DLGAP2: variants seen among roughly 807,000 people sequenced by gnomAD.
DLGAP2 encodes disks large-associated protein 2.
Under a neutral mutation model 100.3 loss-of-function variants are expected in DLGAP2, and 26 were observed. That is an observed-to-expected ratio of 0.26 (90% confidence interval 0.19 to 0.36). The LOEUF is 0.36. Among genes scored for constraint, DLGAP2 ranks in the 10% least tolerant of loss-of-function variants. DLGAP2 has a pLI of 1.00. For synonymous variants in DLGAP2, 886 were observed against 630.1 expected (o/e 1.41, Z -6.08); for missense variants, 1,858 against 1,453.2 (o/e 1.28, Z -4.53).
intron 3 of DLGAP2, among the ~76,000 whole-genome samples, chr8:1,325,346 T>A (rs746144755): frequency 2.0e-5 from 3 of 152,226 alleles, no homozygotes; most frequent in Non-Finnish European, 4.4e-5. Context: ...TGCCTGTGTG[T>A]CCAGCCATCT....
chr8:1,183,544 TGA>T (rs1425638316), intron 2 of DLGAP2, among the ~76,000 whole-genome samples: 4 of 152,216 alleles, frequency 2.6e-5, no homozygotes, highest in Non-Finnish European at 5.9e-5. Context: ...CAGCAGCCTA[TGA>T]GGTAGCTGCT....
At chr8:1,005,546 C>G (rs1324348239) in intron 2 of DLGAP2, among the ~76,000 whole-genome samples, 1 of 151,438 alleles carries the variant, frequency 6.6e-6, no homozygotes, top group Non-Finnish European at 1.5e-5. Context: ...ATAGCTGGGA[C>G]TACAGGTGTG....
chr8:1,374,780 C>T (rs1585312662), intron 3 of DLGAP2, among the ~76,000 whole-genome samples: 1 of 152,200 alleles, frequency 6.6e-6, no homozygotes, highest in African/African-American at 2.4e-5. Flanking sequence ...CACCGAGGCA[C>T]CTAACGTCAA....
intron 3 of DLGAP2, among the ~76,000 whole-genome samples, chr8:1,488,483 G>A (rs1245411509): frequency 2.0e-5 from 3 of 152,164 alleles, no homozygotes; most frequent in Admixed American, 6.5e-5. Context: ...CAGTCGGAAC[G>A]GTGCCTGGCC....
intron 3 of DLGAP2, among the ~76,000 whole-genome samples, chr8:1,474,584 A>T (rs1798883066): frequency 6.6e-6 from 1 of 152,174 alleles, no homozygotes; most frequent in African/African-American, 2.4e-5. Flanking sequence ...GCACCTCTCA[A>T]AAGAAAGAAG....
intron 3 of DLGAP2, among the ~76,000 whole-genome samples, chr8:1,377,674 G>T (rs1409837431): frequency 6.6e-6 from 1 of 152,234 alleles, no homozygotes; most frequent in Non-Finnish European, 1.5e-5. Flanking sequence ...GGAGGGCCTT[G>T]CCAGCGTGGG....
In DLGAP2 at chr8:1,206,330, A is replaced by G. The variant is rs1238415465; in HGVS notation, c.74-52521A>G. 5.4e-5 allele frequency among the ~76,000 whole-genome samples: 8 copies of G among 148,104 alleles called. 1 individual carries two copies. The highest frequency in any genetic ancestry group is 1.5e-4 in the African/African-American group (6 of 39,108). On this transcript the variant is annotated intron_variant, in intron 2 of 14. Transcript: ENST00000637795. ...TCCAGGCATCCGTGGACTGGGGTAG[A>G]CTGTGAATGGTTAATCTCCAGCCAT...
intron 1 of DLGAP2, among the ~76,000 whole-genome samples, chr8:763,602 G>T (rs1821140950): frequency 6.6e-6 from 1 of 152,168 alleles, no homozygotes. Context: ...ATGATGAGTG[G>T]CAGACGTTAG....
intron 3 of DLGAP2, among the ~76,000 whole-genome samples, chr8:1,494,772 G>T (rs1173339079): frequency 1.3e-5 from 2 of 151,918 alleles, no homozygotes; most frequent in Admixed American, 6.6e-5. Context: ...GCCACTCAAT[G>T]CAGCCTCCCC....
intron 8 of DLGAP2, 98 bp downstream of exon 8, chr8:1,633,144 T>G: frequency 8.8e-7 from 1 of 1,136,468 alleles, no homozygotes; most frequent in African/African-American, 1.5e-5. Context: ...CACAGTACAA[T>G]GTACTCTCCT....
chr8:1,351,833 A>G lies in DLGAP2; in HGVS notation c.106+92950A>G, dbSNP rs1040374143. ...GTCCTGCGTGTGGCGTGGAAAGGCCATGCGGGTCCTGAGTGTGCGTGGAAA... is the reference window on the plus strand; with the variant it reads ...GTCCTGCGTGTGGCGTGGAAAGGCCGTGCGGGTCCTGAGTGTGCGTGGAAA... On this transcript the variant is annotated intron_variant, in intron 3 of 14. Coordinates refer to ENST00000637795, the MANE Select transcript of DLGAP2 (RefSeq NM_001346810.2). Among the ~76,000 whole-genome samples the G allele has an allele frequency of 9.5e-3, 301 of 31,842 alleles. 7 individuals carry two copies. Among genetic ancestry groups the G allele is most frequent in the Middle Eastern group, 0.025 (1 of 40 alleles). The allele number at this position is 31,842 out of a possible 152,430, so 20.9% of individuals were successfully genotyped here. A position where few individuals can be genotyped will look rare whatever the true frequency, so the allele number is the denominator to read the frequency against.
intron 4 of DLGAP2, among the ~76,000 whole-genome samples, chr8:1,546,415 C>T (rs1195069437): frequency 6.6e-6 from 1 of 152,210 alleles, no homozygotes; most frequent in Non-Finnish European, 1.5e-5. Context: ...GTGTGAGAAG[C>T]CGGTCCCTGA....
At chr8:941,967 G>T (rs1413042763) in intron 2 of DLGAP2, among the ~76,000 whole-genome samples, 1 of 152,072 alleles carries the variant, frequency 6.6e-6, no homozygotes, top group Non-Finnish European at 1.5e-5. Context: ...CATCATCAGT[G>T]GGAATGTTTT....
chr8:1,139,902 G>A (rs1368891733), intron 2 of DLGAP2, among the ~76,000 whole-genome samples: 5 of 152,168 alleles, frequency 3.3e-5, no homozygotes, highest in Non-Finnish European at 1.5e-5. Context: ...GGGGGGAAGT[G>A]AGGGGATTTC....
chr8:1,541,824 T>G (rs1220033627), intron 4 of DLGAP2, among the ~76,000 whole-genome samples: 1 of 152,260 alleles, frequency 6.6e-6, no homozygotes, highest in Non-Finnish European at 1.5e-5. Context: ...ATACCTTGCT[T>G]CTTTTCATGA....
chr8:893,367 C>T (rs1474268894), intron 1 of DLGAP2, among the ~76,000 whole-genome samples: 1 of 152,178 alleles, frequency 6.6e-6, no homozygotes, highest in Admixed American at 6.5e-5. Context: ...CCAGGATGAC[C>T]AATTCGATGA....
chr8:778,143 C>T (rs1175677770), intron 1 of DLGAP2, among the ~76,000 whole-genome samples: 1 of 152,124 alleles, frequency 6.6e-6, no homozygotes, highest in African/African-American at 2.4e-5. Flanking sequence ...CGCATCGGCT[C>T]CTGAGGCTTC....
chr8:1,092,462 G>T (rs1036271813), intron 2 of DLGAP2, among the ~76,000 whole-genome samples: 1 of 152,132 alleles, frequency 6.6e-6, no homozygotes, highest in African/African-American at 2.4e-5. Flanking sequence ...TCTTTGCCCC[G>T]TGGTTCCTGC....
At position 1,227,153 on chromosome 8, in the gene DLGAP2, GATATATAT is replaced by G. The variant is rs759172816; in HGVS notation, c.74-31684_74-31677del. On this transcript the variant is annotated intron_variant, in intron 2 of 14. Transcript: ENST00000637795. ...AAATGAATGGGTAAGGAAACTGTGAGATATATATATATATATATATAGTATAGATATAT... is the reference window on the plus strand; with the variant it reads ...AAATGAATGGGTAAGGAAACTGTGAGATATATATATATAGTATAGATATAT... Among the ~76,000 whole-genome samples, 46 of 89,710 alleles carry G rather than the reference GATATATAT, an allele frequency of 5.1e-4. 5 individuals are homozygous for G. Among genetic ancestry groups the G allele is most frequent in the African/African-American group, 2.7e-3 (42 of 15,344 alleles). 58.9% of individuals were successfully genotyped at this position (89,710 alleles called of 152,430 possible).
Sources: allele counts gnomAD v4.1 joint callset (sites outside exome capture counted in the v4.1 genomes callset), GRCh38; gene constraint gnomAD v4.1.1; transcripts MANE v1.5; gene names NCBI Gene and HGNC (gene_info 2026-07-23, HGNC 2026-07-21).